The following CSMD1 variants were observed in gnomAD, a reference collection of about 807,000 sequenced individuals.
CSMD1 encodes the protein CUB and Sushi multiple domains 1.
Under a neutral mutation model 417.5 loss-of-function variants are expected in CSMD1, and 213 were observed. The observed-to-expected ratio is 0.51, with a 90% CI of 0.46 to 0.57. The LOEUF (loss-of-function observed/expected upper bound fraction) is 0.57. Among genes scored for constraint, CSMD1 ranks in the 20% least tolerant of loss-of-function variants. The pLI is 0.00. For missense variants in CSMD1, 6,923 were observed against 4,529.7 expected, an observed-to-expected ratio of 1.53 and a Z score of -15.17; for synonymous variants, 2,862 against 1,736.8, an observed-to-expected ratio of 1.65 and a Z score of -16.11.
At chr8:3,435,423 C>T (rs112359300) in intron 12 of CSMD1, among the ~76,000 whole-genome samples, 5 of 152,274 alleles carry the variant, frequency 3.3e-5, no homozygotes, top group African/African-American at 7.2e-5. Flanking sequence ...GAAACATCAC[C>T]TGTGGATGCC....
chr8:3,696,010 G>T (rs1019504523), intron 7 of CSMD1, among the ~76,000 whole-genome samples: 1 of 152,144 alleles, frequency 6.6e-6, no homozygotes, highest in African/African-American at 2.4e-5. Context: ...ATGACTTGTG[G>T]AAGACCTACC....
intron 4 of CSMD1, among the ~76,000 whole-genome samples, chr8:4,029,810 A>G (rs1183807145): frequency 2.0e-5 from 3 of 152,200 alleles, no homozygotes; most frequent in African/African-American, 4.8e-5. Flanking sequence ...ATGAACCTGT[A>G]TAATAAAATA....
chr8:4,244,045 T>C (rs1172346206), intron 3 of CSMD1, among the ~76,000 whole-genome samples: 1 of 152,182 alleles, frequency 6.6e-6, no homozygotes, highest in Admixed American at 6.5e-5. Flanking sequence ...GGCTCTTTGT[T>C]TTTATGTTAA....
chr8:4,079,677 A>G (rs1257249951), intron 3 of CSMD1, among the ~76,000 whole-genome samples: 3 of 152,228 alleles, frequency 2.0e-5, no homozygotes, highest in Non-Finnish European at 4.4e-5. Flanking sequence ...GGTTCACATT[A>G]ATTTATTCCT....
At chr8:4,396,092 T>C (rs1804188094) in intron 3 of CSMD1, among the ~76,000 whole-genome samples, 1 of 151,748 alleles carries the variant, frequency 6.6e-6, no homozygotes, top group Non-Finnish European at 1.5e-5. Context: ...ACCATCTCCA[T>C]TTGTGTTTAG....
In CSMD1 at chr8:4,511,831, G is replaced by A. The variant is rs75719252; in HGVS notation, c.303-91766C>T. Among the ~76,000 whole-genome samples, 7 of 152,250 alleles carry A rather than the reference G, an allele frequency of 4.6e-5. No individual in the cohort carries two copies. The East Asian group carries it at 1.4e-3, about 29-fold the overall frequency. On this transcript the variant is annotated intron_variant, in intron 2 of 69. Transcript: ENST00000635120. ...CACATTATGAGTTTTACTTCCTGGA[G>A]CTTCACTAGGTTCTCACAAGGAATA... is the stretch of plus-strand genomic sequence containing the variant.
chr8:3,516,643 T>C (rs923463735), intron 10 of CSMD1, among the ~76,000 whole-genome samples: 1 of 152,170 alleles, frequency 6.6e-6, no homozygotes, highest in Non-Finnish European at 1.5e-5. Context: ...TAATTTTAAT[T>C]ATTGTGTTTT....
chr8:3,583,711 G>T (rs936421965), intron 9 of CSMD1, among the ~76,000 whole-genome samples: 1 of 152,096 alleles, frequency 6.6e-6, no homozygotes, highest in Non-Finnish European at 1.5e-5. Flanking sequence ...AAAAGAGGCT[G>T]CCATTTGGAA....
intron 1 of CSMD1, among the ~76,000 whole-genome samples, chr8:4,704,868 T>C (rs1807818830): frequency 1.3e-5 from 2 of 152,130 alleles, no homozygotes; most frequent in African/African-American, 4.8e-5. Context: ...TAGAGAAGGC[T>C]CCAAAAACCC....
At chr8:3,543,860 C>G (rs1043738339) in intron 10 of CSMD1, among the ~76,000 whole-genome samples, 2 of 152,104 alleles carry the variant, frequency 1.3e-5, no homozygotes, top group African/African-American at 4.8e-5. Context: ...TTTGAAGCTG[C>G]AGGATCAGAG....
At chr8:4,155,752 A>G (rs1163677938) in intron 3 of CSMD1, among the ~76,000 whole-genome samples, 2 of 152,158 alleles carry the variant, frequency 1.3e-5, no homozygotes, top group Non-Finnish European at 2.9e-5. Context: ...AGCTTTTGTC[A>G]TTGATCCCCG....
chr8:4,294,211 T>C (rs183857434), intron 3 of CSMD1, among the ~76,000 whole-genome samples: 1 of 152,178 alleles, frequency 6.6e-6, no homozygotes, highest in South Asian at 2.1e-4. Flanking sequence ...GACACCAAAA[T>C]GCGGGAGAAA....
intron 5 of CSMD1, among the ~76,000 whole-genome samples, chr8:3,870,981 ATTTT>A (rs1466585343): frequency 6.7e-6 from 1 of 150,258 alleles, no homozygotes; most frequent in Admixed American, 6.7e-5. Flanking sequence ...ATATAAGTTA[ATTTT>A]TTCTCATTCA....
intron 10 of CSMD1, among the ~76,000 whole-genome samples, chr8:3,569,612 C>T (rs1392972743): frequency 6.6e-6 from 1 of 152,172 alleles, no homozygotes; most frequent in Non-Finnish European, 1.5e-5. Context: ...TGGCAAGAGT[C>T]ATTGCATGGA....
chr8:3,624,729 A>T (rs1235234315), intron 7 of CSMD1, among the ~76,000 whole-genome samples: 1 of 152,224 alleles, frequency 6.6e-6, no homozygotes, highest in Non-Finnish European at 1.5e-5. Flanking sequence ...TATGTGTTTG[A>T]GGGACACTCT....
At chr8:3,367,278 A>C in intron 19 of CSMD1, 31 bp from the exon 20 acceptor site, 1 of 1,500,894 alleles carries the variant, frequency 6.7e-7, no homozygotes, top group Non-Finnish European at 9.1e-7. Context: ...AGAGAGAGAG[A>C]GACAGAGAGA....
intron 3 of CSMD1, among the ~76,000 whole-genome samples, chr8:4,107,811 G>C (rs1456301622): frequency 6.6e-6 from 1 of 152,176 alleles, no homozygotes; most frequent in African/African-American, 2.4e-5. Context: ...GGCAATCTGA[G>C]CCTGCTTTAT....
chr8:4,834,357 GTAGGAAGATATACGT>G (rs1800331483), intron 1 of CSMD1, among the ~76,000 whole-genome samples: 1 of 152,174 alleles, frequency 6.6e-6, no homozygotes, highest in Non-Finnish European at 1.5e-5. Flanking sequence ...CGCATCATCT[GTAGGAAGATATACGT>G]TAGGAGAGAT....
At chr8:3,280,047 T>A (rs1247250761) in intron 26 of CSMD1, among the ~76,000 whole-genome samples, 1 of 152,158 alleles carries the variant, frequency 6.6e-6, no homozygotes, top group Non-Finnish European at 1.5e-5. Context: ...GCCGTCCGTG[T>A]TGATCTTGGG....
Sources: allele counts gnomAD v4.1 joint callset (sites outside exome capture counted in the v4.1 genomes callset), GRCh38; gene constraint gnomAD v4.1.1; transcripts MANE v1.5; gene names NCBI Gene and HGNC (gene_info 2026-07-23, HGNC 2026-07-21).